Variants in KCNIP1 observed in about 807,000 individuals in gnomAD.
KCNIP1 encodes potassium voltage-gated channel interacting protein 1, also known as A-type potassium channel modulatory protein KCNIP1.
In KCNIP1, 18 loss-of-function variants were observed where a neutral mutation model predicts 33.0. That is an observed-to-expected ratio of 0.55 (90% confidence interval 0.38 to 0.81). KCNIP1 has a LOEUF of 0.81. Among genes scored for constraint, KCNIP1 ranks in the 30% least tolerant of loss-of-function variants. KCNIP1 has a pLI of 0.00. For synonymous variants in KCNIP1, 93 were observed against 98.3 expected (o/e 0.95, Z 0.32); for missense variants, 238 against 271.6 (o/e 0.88, Z 0.87).
intron 1 of KCNIP1, among the ~76,000 whole-genome samples, chr5:170,477,070 G>A (rs954845088): frequency 5.3e-5 from 8 of 152,124 alleles, no homozygotes; most frequent in Non-Finnish European, 1.0e-4. Flanking sequence ...AGATAAATGG[G>A]AATTCTCTGT....
chr5:170,665,960 G>T (rs1256722001), intron 1 of KCNIP1, among the ~76,000 whole-genome samples: 1 of 152,164 alleles, frequency 6.6e-6, no homozygotes, highest in Non-Finnish European at 1.5e-5. Context: ...TGCTGATGGT[G>T]ACCTCGATCA....
intron 1 of KCNIP1, chr5:170,378,487 C>A: frequency 1.7e-6 from 1 of 585,388 alleles, no homozygotes; most frequent in Admixed American, 3.2e-5. Flanking sequence ...GCCTTATGGC[C>A]TCCAAGGCAT....
intron 1 of KCNIP1, among the ~76,000 whole-genome samples, chr5:170,612,182 G>A (rs1229872909): frequency 1.3e-5 from 2 of 152,190 alleles, no homozygotes; most frequent in Non-Finnish European, 2.9e-5. Context: ...CAACATTGAA[G>A]GCTTGCACGC....
intron 1 of KCNIP1, among the ~76,000 whole-genome samples, chr5:170,600,740 A>C (rs903647717): frequency 6.6e-6 from 1 of 152,190 alleles, no homozygotes; most frequent in Non-Finnish European, 1.5e-5. Context: ...GTTAGAGCTT[A>C]AGCTCTGCAT....
At chr5:170,554,828 C>G (rs1756785244) in intron 1 of KCNIP1, among the ~76,000 whole-genome samples, 1 of 152,102 alleles carries the variant, frequency 6.6e-6, no homozygotes, top group African/African-American at 2.4e-5. Flanking sequence ...GTCACCACCC[C>G]TTTGCTCTGC....
rs553443520 is a variant in KCNIP1, at chr5:170,354,875, C to T, written c.88+911C>T. Among the ~76,000 whole-genome samples, 4 of 152,326 alleles carry T rather than the reference C, an allele frequency of 2.6e-5. No homozygotes were observed. The South Asian group carries it at 6.2e-4, about 24-fold the overall frequency. On this transcript the variant is annotated intron_variant, in intron 1 of 7. Transcript: ENST00000377360. ...GGCTGAAAAAACGTCTTTAAATATT[C>T]ATGCTGTCTTTCAGGAAGAGTCTTT...
intron 5 of KCNIP1, among the ~76,000 whole-genome samples, chr5:170,723,322 T>C (rs970613555): frequency 6.6e-5 from 10 of 152,188 alleles, no homozygotes; most frequent in Admixed American, 1.3e-4. Flanking sequence ...ACAGAAATTA[T>C]CACAAATAAT....
intron 1 of KCNIP1, among the ~76,000 whole-genome samples, chr5:170,680,323 CA>C (rs959788871): frequency 2.0e-5 from 3 of 152,114 alleles, no homozygotes; most frequent in African/African-American, 7.2e-5. Flanking sequence ...CCACAGAGCC[CA>C]AAAGTTTAGG....
At chr5:170,685,875 C>T (rs1374338230) in intron 1 of KCNIP1, among the ~76,000 whole-genome samples, 1 of 152,230 alleles carries the variant, frequency 6.6e-6, no homozygotes, top group Admixed American at 6.5e-5. Context: ...CTGCATTTAG[C>T]TGGCTTGAAC....
rs537883229 is a variant in KCNIP1, at chr5:170,398,401, C to T, written c.88+44437C>T. Among the ~76,000 whole-genome samples, 41 of 152,282 alleles carry T rather than the reference C, an allele frequency of 2.7e-4. No individual in the cohort carries two copies. The South Asian group carries it at 2.9e-3, about 11-fold the overall frequency. ...TATTTCACACCTTTTACCAGAATAC[C>T]GATACCAATTCTTGTACTCACTGCT... is the stretch of plus-strand genomic sequence containing the variant. On this transcript the variant is annotated intron_variant, in intron 1 of 7. Transcript: ENST00000377360.
At chr5:170,414,315 A>C (rs563997927) in intron 1 of KCNIP1, among the ~76,000 whole-genome samples, 7 of 152,370 alleles carry the variant, frequency 4.6e-5, no homozygotes, top group African/African-American at 1.7e-4. Flanking sequence ...TACATATTTT[A>C]AGGTCAGCCT....
chr5:170,368,346 C>A (rs1022928051), intron 1 of KCNIP1, among the ~76,000 whole-genome samples: 3 of 152,128 alleles, frequency 2.0e-5, no homozygotes, highest in African/African-American at 7.2e-5. Context: ...CTCACTGCAA[C>A]CTCTGCTTCC....
chr5:170,730,785 G>C (rs570432412), intron 5 of KCNIP1, among the ~76,000 whole-genome samples: 1 of 151,668 alleles, frequency 6.6e-6, no homozygotes, highest in South Asian at 2.1e-4. Flanking sequence ...TTGGGAAAGA[G>C]AAAATACAAG....
At chr5:170,402,943 T>G (rs1754945731) in intron 1 of KCNIP1, among the ~76,000 whole-genome samples, 1 of 152,192 alleles carries the variant, frequency 6.6e-6, no homozygotes, top group Non-Finnish European at 1.5e-5. Context: ...TAAGTCACAG[T>G]TCAATTATTA....
chr5:170,433,332 G>A (rs34903092), intron 1 of KCNIP1, among the ~76,000 whole-genome samples: 61 of 151,822 alleles, frequency 4.0e-4, no homozygotes, highest in Non-Finnish European at 7.5e-4. Flanking sequence ...GATTACAGGC[G>A]CCCAACATCA....
intron 1 of KCNIP1, among the ~76,000 whole-genome samples, chr5:170,610,175 A>G (rs901154715): frequency 6.6e-6 from 1 of 152,222 alleles, no homozygotes; most frequent in Non-Finnish European, 1.5e-5. Flanking sequence ...AGTCAGGCCC[A>G]GGCATCTGGT....
intron 1 of KCNIP1, among the ~76,000 whole-genome samples, chr5:170,652,644 G>A (rs950905984): frequency 1.3e-5 from 2 of 152,196 alleles, no homozygotes; most frequent in Admixed American, 6.5e-5. Flanking sequence ...GTAGAGCACC[G>A]AATTGTGGAA....
At chr5:170,592,111 T>G (rs1758284026) in intron 1 of KCNIP1, among the ~76,000 whole-genome samples, 1 of 152,212 alleles carries the variant, frequency 6.6e-6, no homozygotes, top group African/African-American at 2.4e-5. Context: ...CAACACTTGT[T>G]ATTTTCTGTT....
intron 1 of KCNIP1, among the ~76,000 whole-genome samples, chr5:170,556,716 T>C (rs1756860282): frequency 6.6e-6 from 1 of 152,220 alleles, no homozygotes; most frequent in Non-Finnish European, 1.5e-5. Flanking sequence ...CATCTGCAGA[T>C]AGCTCATTTT....
Sources: allele counts gnomAD v4.1 joint callset (sites outside exome capture counted in the v4.1 genomes callset), GRCh38; gene constraint gnomAD v4.1.1; transcripts MANE v1.5; gene names NCBI Gene and HGNC (gene_info 2026-07-23, HGNC 2026-07-21).